The following PARD3 variants were observed in gnomAD, a reference collection of about 807,000 sequenced individuals.
PARD3 encodes par-3 family cell polarity regulator.
Under a neutral mutation model 155.4 loss-of-function variants are expected in PARD3, and 75 were observed. That is an observed-to-expected ratio of 0.48 (90% CI 0.40 to 0.58). PARD3 has a LOEUF of 0.58. Ranked by LOEUF, PARD3 falls within the 20% of genes least tolerant of loss-of-function variation. The pLI is 0.00. For missense variants in PARD3, 1,642 were observed against 1,721.7 expected, an observed-to-expected ratio of 0.95 and a Z score of 0.82; for synonymous variants, 576 against 610.5, an observed-to-expected ratio of 0.94 and a Z score of 0.83.
intron 18 of PARD3, among the ~76,000 whole-genome samples, chr10:34,334,736 C>CAAAAAAAAAAA (rs5784410): frequency 7.8e-6 from 1 of 128,280 alleles, no homozygotes; most frequent in Non-Finnish European, 1.7e-5. Flanking sequence ...GCACAAAGTG[C>CAAAAAAAAAAA]AAAAAAAAAA....
At chr10:34,590,421 C>T (rs568664191) in intron 2 of PARD3, among the ~76,000 whole-genome samples, 1 of 152,264 alleles carries the variant, frequency 6.6e-6, no homozygotes, top group East Asian at 1.9e-4. Context: ...AGGGAAAGGA[C>T]AGAGAAAAGA....
intron 15 of PARD3, among the ~76,000 whole-genome samples, chr10:34,342,691 T>G (rs1836960738): frequency 6.6e-6 from 1 of 152,194 alleles, no homozygotes; most frequent in South Asian, 2.1e-4. Context: ...GAAGGATTTT[T>G]AAAAGTCTGT....
At chr10:34,383,360 G>A (rs958580120) in intron 8 of PARD3, among the ~76,000 whole-genome samples, 1 of 150,120 alleles carries the variant, frequency 6.7e-6, no homozygotes, top group African/African-American at 2.5e-5. Context: ...ATATTGGATT[G>A]GGTTAGATGT....
At chr10:34,740,905 A>G (rs1266696749) in intron 1 of PARD3, among the ~76,000 whole-genome samples, 3 of 152,232 alleles carry the variant, frequency 2.0e-5, no homozygotes, top group Non-Finnish European at 4.4e-5. Context: ...CTATCACTAT[A>G]TGAACAATAT....
intron 2 of PARD3, among the ~76,000 whole-genome samples, chr10:34,656,918 CTTG>C (rs2093183620): frequency 6.6e-6 from 1 of 152,152 alleles, no homozygotes; most frequent in African/African-American, 2.4e-5. Flanking sequence ...ATGCATGCAT[CTTG>C]ATGTAAACAT....
intron 22 of PARD3, among the ~76,000 whole-genome samples, chr10:34,149,644 T>C (rs1948687547): frequency 6.6e-6 from 1 of 152,188 alleles, no homozygotes; most frequent in Admixed American, 6.5e-5. Context: ...CTCACGTTTA[T>C]CAAAGAATTG....
At chr10:34,764,084 T>G (rs572299923) in intron 1 of PARD3, among the ~76,000 whole-genome samples, 2 of 152,346 alleles carry the variant, frequency 1.3e-5, no homozygotes, top group East Asian at 3.9e-4. Flanking sequence ...CCTCAAGGAC[T>G]AAGGTGCATC....
At chr10:34,623,978 T>C (rs913256128) in intron 2 of PARD3, among the ~76,000 whole-genome samples, 3 of 137,282 alleles carry the variant, frequency 2.2e-5, no homozygotes, top group Non-Finnish European at 4.5e-5. Context: ...AGACTCCGTC[T>C]CAAAAAAAAA....
At chr10:34,230,981 G>T (rs538859229) in intron 22 of PARD3, among the ~76,000 whole-genome samples, 1 of 151,864 alleles carries the variant, frequency 6.6e-6, no homozygotes, top group African/African-American at 2.4e-5. Context: ...AGCTATAATC[G>T]CACCACTAGC....
intron 5 of PARD3, among the ~76,000 whole-genome samples, chr10:34,449,717 A>T (rs2076957386): frequency 6.6e-6 from 1 of 152,224 alleles, no homozygotes; most frequent in South Asian, 2.1e-4. Flanking sequence ...CCCAAGGCAG[A>T]AAACAATTAT....
chr10:34,349,473 A>C (rs1041633804), intron 14 of PARD3, among the ~76,000 whole-genome samples: 4 of 151,622 alleles, frequency 2.6e-5, no homozygotes, highest in African/African-American at 7.3e-5. Flanking sequence ...TACAACTGAC[A>C]GCTTTACTGA....
intron 22 of PARD3, among the ~76,000 whole-genome samples, chr10:34,269,353 G>A (rs1002369786): frequency 3.5e-4 from 54 of 152,266 alleles, no homozygotes; most frequent in African/African-American, 1.2e-3. Context: ...TTAAGTAGAA[G>A]AGTCATAATT....
intron 23 of PARD3, 123 bp from the exon 24 acceptor site, chr10:34,119,863 T>G: frequency 2.1e-6 from 2 of 934,758 alleles, no homozygotes. Flanking sequence ...TGTGATTTGT[T>G]TTTCAAAATC....
intron 22 of PARD3, among the ~76,000 whole-genome samples, chr10:34,182,043 C>G (rs1325991570): frequency 6.6e-6 from 1 of 152,200 alleles, no homozygotes; most frequent in East Asian, 1.9e-4. Context: ...TGAGTCTATA[C>G]CGCTGATGAA....
intron 2 of PARD3, among the ~76,000 whole-genome samples, chr10:34,689,505 A>G (rs1328640260): frequency 6.6e-6 from 1 of 152,228 alleles, no homozygotes; most frequent in Non-Finnish European, 1.5e-5. Context: ...AAACGGCTTT[A>G]AAAGCTACTT....
Position 34,704,380 on chromosome 10 carries a change from T to G in PARD3, c.121-7961A>C, listed in dbSNP as rs540063524. Among the ~76,000 whole-genome samples the G allele has an allele frequency of 1.1e-4, 16 of 152,226 alleles. No individual in the cohort carries two copies. In the East Asian group the frequency reaches 2.7e-3, roughly 26 times the overall value. ...TAAAAATAATGTGAACCTAGAATAT[T>G]TAATCAAATTTGTAACCATATTTTG... On this transcript the variant is annotated intron_variant, in intron 1 of 24. Transcript: ENST00000374788.
At chr10:34,765,606 AGG>A in intron 1 of PARD3, among the ~76,000 whole-genome samples, 1 of 151,998 alleles carries the variant, frequency 6.6e-6, no homozygotes, top group East Asian at 1.9e-4. Context: ...TGAACCTAGG[AGG>A]CAGAAATTGC....
At chr10:34,256,144 C>T (rs1348107) in intron 22 of PARD3, among the ~76,000 whole-genome samples, 3,201 of 152,346 alleles carry the variant, frequency 0.021, 117 homozygotes, top group African/African-American at 0.072. Context: ...TATCTTTCAA[C>T]ATATTCGCTA....
At chr10:34,381,718 G>A (rs1274375761) in intron 9 of PARD3, among the ~76,000 whole-genome samples, 1 of 151,788 alleles carries the variant, frequency 6.6e-6, no homozygotes, top group Non-Finnish European at 1.5e-5. Context: ...GACTACTTGA[G>A]GCCAGGAGTT....
Sources: allele counts gnomAD v4.1 joint callset (sites outside exome capture counted in the v4.1 genomes callset), GRCh38; gene constraint gnomAD v4.1.1; transcripts MANE v1.5; gene names NCBI Gene and HGNC (gene_info 2026-07-23, HGNC 2026-07-21).